MCUR1: variants seen among roughly 807,000 people sequenced by gnomAD.
MCUR1 encodes mitochondrial calcium uniporter regulator 1.
A neutral mutation model predicts 42.0 loss-of-function variants in MCUR1; 37 were observed. The ratio of observed to expected loss-of-function variants is 0.88; its 90% CI spans 0.68 to 1.16. The LOEUF is 1.16. Ranked by LOEUF, MCUR1 falls within the 50% of genes most tolerant of loss-of-function variation. The pLI is 0.00. For synonymous variants in MCUR1, 229 were observed against 196.2 expected, an observed-to-expected ratio of 1.17 and a Z score of -1.40; for missense variants, 469 against 468.4, an observed-to-expected ratio of 1.00 and a Z score of -0.01.
intron 1 of MCUR1, among the ~76,000 whole-genome samples, chr6:13,808,391 A>G (rs1760157314): frequency 6.6e-6 from 1 of 152,172 alleles, no homozygotes; most frequent in Admixed American, 6.5e-5. Flanking sequence ...TATATTCTAG[A>G]TACAAGCTCC....
intron 8 of MCUR1, 76 bp downstream of exon 8, chr6:13,791,802 G>T: frequency 2.2e-6 from 2 of 901,526 alleles, no homozygotes; most frequent in Non-Finnish European, 3.4e-6. Context: ...TCAATGAAAT[G>T]CAGTATCTGT....
In MCUR1 at chr6:13,814,361, C is replaced by A; in HGVS notation, c.69G>T (p.Leu23Phe). The A allele has an allele frequency of 1.3e-6, 2 of 1,525,424 alleles. No homozygotes were observed. The highest frequency in any genetic ancestry group is 1.7e-6 in the Non-Finnish European group (2 of 1,145,124). 94.5% of individuals were successfully genotyped at this position (1,525,424 alleles called of 1,614,324 possible). ...CCGGTCTTCCGCTGAGGCCCACGGG[C>A]AAGAAGAGAAGCCGCTGGCGGCCGG... ...RLPGRQRLLF[L>F]PVGLSGRPGG... The change falls in exon 1 of 9, where the codon TTG (leucine) becomes TTT (phenylalanine). Residue 23 changes from leucine (L) to phenylalanine (F), a missense_variant. Transcript: ENST00000379170.
intron 6 of MCUR1, among the ~76,000 whole-genome samples, chr6:13,796,144 G>A (rs1759847467): frequency 1.3e-5 from 2 of 152,062 alleles, no homozygotes; most frequent in South Asian, 4.1e-4. Flanking sequence ...ATCAGGGTAA[G>A]TATTTTGAGT....
intron 2 of MCUR1, 47 bp downstream of exon 2, chr6:13,806,873 ATAATT>A: frequency 1.3e-6 from 2 of 1,519,070 alleles, no homozygotes; most frequent in Non-Finnish European, 8.9e-7. Flanking sequence ...AAGAGAAGTC[ATAATT>A]TAAAGTGTTT....
intron 2 of MCUR1, chr6:13,804,051 T>C: frequency 1.0e-6 from 1 of 973,360 alleles, no homozygotes. Context: ...CTGGACACAG[T>C]GGTTCACGCC....
rs768116761 is a variant in MCUR1, at chr6:13,802,317, C to A, written c.565G>T (p.Val189Leu). 5.0e-6 allele frequency: 8 copies of A among 1,613,746 alleles called. No homozygotes were observed. In the South Asian group the frequency reaches 5.5e-5, roughly 11 times the overall value. Residue 189 changes from valine (V) to leucine (L), a missense_variant, in exon 3 of 9, where the codon GTG becomes TTG. Coordinates refer to ENST00000379170, the MANE Select transcript of MCUR1 (RefSeq NM_001031713.4). ...TCCAGGATCTTGACCAATGCAGACA[C>A]AATGATTTCTGCTTGTTGAGTAGCA... ...GFATQQAEII[V>L]SALVKILEAN... is the part of the protein sequence containing the mutation.
chr6:13,802,327 T>C lies in MCUR1; in HGVS notation c.555A>G (p.Ala185=). The C allele has an allele frequency of 6.2e-7, 1 of 1,613,730 alleles. No homozygotes were observed. The highest frequency in any genetic ancestry group is 8.5e-7 in the Non-Finnish European group (1 of 1,179,662). Residue 185 remains alanine, a synonymous_variant, in exon 3 of 9, where the codon GCA becomes GCG. Coordinates refer to ENST00000379170, the MANE Select transcript of MCUR1 (RefSeq NM_001031713.4). Reference sequence around the variant, plus strand: ...TGACCAATGCAGACACAATGATTTCTGCTTGTTGAGTAGCAAACCCTAAGC... The same window carrying C: ...TGACCAATGCAGACACAATGATTTCCGCTTGTTGAGTAGCAAACCCTAAGC... ...LEDNGFATQQ[A]EIIVSALVKI...
At chr6:13,807,601 C>T (rs551335204) in intron 1 of MCUR1, among the ~76,000 whole-genome samples, 3 of 152,290 alleles carry the variant, frequency 2.0e-5, no homozygotes, top group East Asian at 1.9e-4. Flanking sequence ...TTAGCGATTA[C>T]GAATTACATG....
chr6:13,787,844 A>G lies in MCUR1; in HGVS notation c.*2965T>C, dbSNP rs1473248609. ...AATCTGAATCCTTATAAGCCAGGGT[A>G]GCTCAGGAGGTTCTATTTACTTATT... On this transcript the variant is annotated 3_prime_UTR_variant, in exon 9 of 9. Coordinates refer to ENST00000379170, the MANE Select transcript of MCUR1 (RefSeq NM_001031713.4). 3 of 152,140 alleles carry G rather than the reference A, an allele frequency of 2.0e-5. No individual in the cohort carries two copies. The highest frequency in any genetic ancestry group is 7.2e-5 in the African/African-American group (3 of 41,424). 9.4% of individuals were successfully genotyped at this position (152,140 alleles called of 1,614,324 possible).
chr6:13,793,969 G>C, intron 6 of MCUR1, 22 bp from the exon 7 acceptor site: 2 of 1,610,816 alleles, frequency 1.2e-6, no homozygotes, highest in Non-Finnish European at 1.7e-6. Flanking sequence ...ACGTAACATG[G>C]GTCAGATTCT....
At chr6:13,812,362 G>A (rs1219925974) in intron 1 of MCUR1, among the ~76,000 whole-genome samples, 3 of 152,072 alleles carry the variant, frequency 2.0e-5, no homozygotes, top group Non-Finnish European at 4.4e-5. Context: ...CTGTTTTTAT[G>A]CATCCATACT....
At chr6:13,805,633 C>T (rs1051973578) in intron 2 of MCUR1, among the ~76,000 whole-genome samples, 4 of 152,278 alleles carry the variant, frequency 2.6e-5, no homozygotes, top group South Asian at 2.1e-4. Flanking sequence ...TAATTCATTC[C>T]GTCACTTTGT....
At chr6:13,801,492 G>A in intron 3 of MCUR1, 103 bp from the exon 4 acceptor site, 1 of 756,130 alleles carries the variant, frequency 1.3e-6, no homozygotes, top group Non-Finnish European at 2.2e-6. Flanking sequence ...GGACAATGTG[G>A]ACACAAAAAG....
At chr6:13,806,779 A>G (rs1760120085) in intron 2 of MCUR1, 146 bp downstream of exon 2, 1 of 995,526 alleles carries the variant, frequency 1.0e-6, no homozygotes, top group East Asian at 2.9e-5. Context: ...ACAGAGCCAG[A>G]GCCTGTCTCT....
rs138163956 is a variant in MCUR1 at position 13,803,780 on chromosome 6, G to A, written c.536-1434C>T. ...GACTCTGTTTTCTTTTTTCTCGTCT[G>A]TCTTCCTAGTTTTTAAAAACTCAAA... On this transcript the variant is annotated intron_variant, in intron 2 of 8. Coordinates refer to ENST00000379170, the MANE Select transcript of MCUR1 (RefSeq NM_001031713.4). 804 of 985,240 alleles carry A rather than the reference G, an allele frequency of 8.2e-4. 6 individuals are homozygous for A. In the African/African-American group the frequency reaches 0.013, roughly 16 times the overall value. The allele number at this position is 985,240 out of a possible 1,614,324, so 61.0% of individuals were successfully genotyped here.
At chr6:13,791,754 A>G (rs1759732029) in intron 8 of MCUR1, 124 bp downstream of exon 8, 1 of 645,490 alleles carries the variant, frequency 1.5e-6, no homozygotes, top group African/African-American at 1.9e-5. Flanking sequence ...ATGCTTTCCA[A>G]TTTCAGAGAT....
intron 5 of MCUR1, among the ~76,000 whole-genome samples, chr6:13,799,725 T>G (rs772671310): frequency 9.2e-5 from 14 of 152,168 alleles, no homozygotes; most frequent in Non-Finnish European, 1.5e-4. Context: ...TCACGTGTGA[T>G]TCTCTAAAGA....
intron 2 of MCUR1, among the ~76,000 whole-genome samples, chr6:13,803,066 T>TTG (rs1181145892): frequency 0.012 from 1,780 of 151,494 alleles, 40 homozygotes; most frequent in African/African-American, 0.04. Context: ...GTACTTGGTA[T>TTG]TTTTTTTTTT....
chr6:13,806,938 T>C lies in MCUR1; in HGVS notation c.522A>G (p.Leu174=). The stretch of plus-strand genomic sequence containing the variant: ...ACAGAGGATTACCATTGTCTTCCAG[T>C]AAGCACACTAAGGCATGAGTGTCGA... The part of the protein sequence containing the change: ...LYFDTHALVC[L]LEDNGFATQQ... The change falls in exon 2 of 9, where the codon TTA becomes TTG. Residue 174 remains leucine (L), a synonymous_variant. Transcript: ENST00000379170. 1.9e-6 allele frequency: 3 copies of C among 1,608,458 alleles called. No homozygotes were observed. The highest frequency in any genetic ancestry group is 2.6e-6 in the Non-Finnish European group (3 of 1,176,092).
Sources: gnomAD v4.1 joint callset for allele counts (sites outside exome capture counted in the v4.1 genomes callset) on GRCh38, gnomAD v4.1.1 for gene constraint, MANE v1.5 for transcripts, NCBI Gene and HGNC (gene_info 2026-07-23, HGNC 2026-07-21) for gene names.